The following NIM1K variants were observed in gnomAD, a reference collection of about 807,000 sequenced individuals.
NIM1K encodes NIM1 serine/threonine protein kinase.
NIM1K carries 35 observed loss-of-function variants against 37.1 expected under a neutral mutation model. The ratio of observed to expected loss-of-function variants is 0.94; its 90% confidence interval spans 0.72 to 1.25. The LOEUF (loss-of-function observed/expected upper bound fraction) is 1.25, where lower values mean the gene tolerates loss of function less well. Among genes scored for constraint, NIM1K ranks in the 50% most tolerant of loss-of-function variants. The pLI is 0.00. For missense variants in NIM1K, 564 were observed against 548.0 expected, an observed-to-expected ratio of 1.03 and a Z score of -0.29; for synonymous variants, 234 against 206.6, an observed-to-expected ratio of 1.13 and a Z score of -1.14.
intron 1 of NIM1K, among the ~76,000 whole-genome samples, chr5:43,224,697 A>ATTTTT (rs34015498): frequency 1.4e-5 from 2 of 140,788 alleles, no homozygotes; most frequent in Non-Finnish European, 3.0e-5. Context: ...TAACAAGTGA[A>ATTTTT]TTTTTTTTTT....
chr5:43,229,408 T>G (rs953508747), intron 1 of NIM1K, among the ~76,000 whole-genome samples: 2 of 145,948 alleles, frequency 1.4e-5, no homozygotes, highest in Non-Finnish European at 3.0e-5. Context: ...AAAAAAAGAT[T>G]CTTTAATTTA....
intron 1 of NIM1K, among the ~76,000 whole-genome samples, chr5:43,202,943 G>C (rs953415213): frequency 6.6e-6 from 1 of 152,150 alleles, no homozygotes; most frequent in Non-Finnish European, 1.5e-5. Context: ...TCCATGTCCT[G>C]AGATTTTCAA....
chr5:43,207,492 A>C, intron 1 of NIM1K: 1 of 738,946 alleles, frequency 1.4e-6, no homozygotes, highest in South Asian at 1.3e-5. Context: ...GAAGGGAGAT[A>C]ATTTTATTAT....
chr5:43,206,016 T>A (rs1036692262), intron 1 of NIM1K, among the ~76,000 whole-genome samples: 1 of 152,168 alleles, frequency 6.6e-6, no homozygotes, highest in Non-Finnish European at 1.5e-5. Flanking sequence ...CCGGCCTGCT[T>A]GTTTTTACTA....
At chr5:43,264,934 T>C (rs1753099338) in intron 2 of NIM1K, among the ~76,000 whole-genome samples, 2 of 152,348 alleles carry the variant, frequency 1.3e-5, no homozygotes, top group South Asian at 4.1e-4. Flanking sequence ...TTTAAGAATG[T>C]TGAATATTGG....
At chr5:43,213,495 ATT>A (rs1231125814) in intron 1 of NIM1K, among the ~76,000 whole-genome samples, 3 of 136,374 alleles carry the variant, frequency 2.2e-5, no homozygotes, top group Admixed American at 7.4e-5. Context: ...ACATCTGGCT[ATT>A]TTTTTTTTCT....
At chr5:43,222,206 T>A (rs1752390056) in intron 1 of NIM1K, among the ~76,000 whole-genome samples, 1 of 152,184 alleles carries the variant, frequency 6.6e-6, no homozygotes, top group Non-Finnish European at 1.5e-5. Context: ...CCTTTGTGAA[T>A]TCTGAGCAGG....
chr5:43,246,146 A>C (rs1319445181), intron 2 of NIM1K, 79 bp downstream of exon 2: 3 of 1,324,606 alleles, frequency 2.3e-6, no homozygotes, highest in Non-Finnish European at 3.1e-6. Context: ...GCCAGGGCCA[A>C]GGAAGCAAGT....
intron 1 of NIM1K, among the ~76,000 whole-genome samples, chr5:43,213,280 GTTTCCTTTCC>G (rs70994608): frequency 0.026 from 1,511 of 57,748 alleles, 69 homozygotes; most frequent in Middle Eastern, 0.063. Context: ...TTTCTTTCTT[GTTTCCTTTCC>G]TTTTCTTTTC....
chr5:43,264,677 T>C (rs954351136), intron 2 of NIM1K, among the ~76,000 whole-genome samples: 2 of 152,208 alleles, frequency 1.3e-5, no homozygotes, highest in African/African-American at 4.8e-5. Flanking sequence ...GTTAGCTGGT[T>C]ATTTTGCTTG....
At chr5:43,278,128 C>G (rs1234551438) in intron 3 of NIM1K, among the ~76,000 whole-genome samples, 2 of 151,534 alleles carry the variant, frequency 1.3e-5, no homozygotes, top group African/African-American at 4.9e-5. Flanking sequence ...TCACTGCAAC[C>G]TCCGCCTCCC....
chr5:43,235,297 A>C (rs1313485460), intron 1 of NIM1K, among the ~76,000 whole-genome samples: 2 of 152,256 alleles, frequency 1.3e-5, no homozygotes, highest in Non-Finnish European at 2.9e-5. Context: ...TATTATGCCA[A>C]ATTATCTTCA....
chr5:43,212,794 A>G (rs1752222932), intron 1 of NIM1K, among the ~76,000 whole-genome samples: 1 of 152,228 alleles, frequency 6.6e-6, no homozygotes, highest in Admixed American at 6.5e-5. Context: ...AGACTCTGTT[A>G]GGAAGCATAT....
intron 2 of NIM1K, among the ~76,000 whole-genome samples, chr5:43,273,935 G>A (rs767718315): frequency 8.5e-5 from 13 of 152,130 alleles, no homozygotes; most frequent in Non-Finnish European, 1.6e-4. Flanking sequence ...ACTGCCTGGT[G>A]TATAGTAGGT....
chr5:43,236,282 A>G (rs1333209956), intron 1 of NIM1K, among the ~76,000 whole-genome samples: 1 of 151,854 alleles, frequency 6.6e-6, no homozygotes, highest in Non-Finnish European at 1.5e-5. Context: ...AAACAAAACA[A>G]AATTTAAAAA....
intron 1 of NIM1K, chr5:43,232,370 C>A (rs570989766): frequency 2.2e-6 from 3 of 1,370,022 alleles, no homozygotes; most frequent in Non-Finnish European, 2.1e-6. Flanking sequence ...TGTGTCCAGA[C>A]GGAAGTGGAT....
intron 1 of NIM1K, among the ~76,000 whole-genome samples, chr5:43,241,705 TTTA>T (rs1000494036): frequency 7.9e-5 from 12 of 152,022 alleles, no homozygotes; most frequent in Admixed American, 3.9e-4. Context: ...TTTTTATTTG[TTTA>T]TTATATTTGT....
At chr5:43,254,455 CT>C (rs1752911544) in intron 2 of NIM1K, among the ~76,000 whole-genome samples, 1 of 152,106 alleles carries the variant, frequency 6.6e-6, no homozygotes, top group South Asian at 2.1e-4. Context: ...CTTGGGAGTC[CT>C]AGTTACAAGC....
At chr5:43,262,563 T>C (rs1449699401) in intron 2 of NIM1K, among the ~76,000 whole-genome samples, 1 of 152,174 alleles carries the variant, frequency 6.6e-6, no homozygotes, top group Non-Finnish European at 1.5e-5. Context: ...ACAGGGACAA[T>C]TTGACTTCCT....
Sources: allele counts gnomAD v4.1 joint callset (sites outside exome capture counted in the v4.1 genomes callset), GRCh38; gene constraint gnomAD v4.1.1; transcripts MANE v1.5; gene names NCBI Gene and HGNC (gene_info 2026-07-23, HGNC 2026-07-21).